SMG6: variants seen among roughly 807,000 people sequenced by gnomAD.
SMG6 encodes the protein telomerase-binding protein EST1A.
A neutral mutation model predicts 142.2 loss-of-function variants in SMG6; 66 were observed. The observed-to-expected ratio is 0.46, with a 90% CI of 0.38 to 0.57. The LOEUF is 0.57. SMG6 is among the 20% of genes least tolerant of loss of function. The pLI, the probability that SMG6 is intolerant of heterozygous loss-of-function variation, is 0.00. For missense variants in SMG6, 1,793 were observed against 1,832.0 expected (o/e 0.98, Z 0.39); for synonymous variants, 779 against 702.4 (o/e 1.11, Z -1.72).
intron 8 of SMG6, among the ~76,000 whole-genome samples, chr17:2,256,337 G>T (rs1024920491): frequency 5.3e-5 from 8 of 152,102 alleles, no homozygotes; most frequent in African/African-American, 1.9e-4. Context: ...AACACAGAGG[G>T]AGGGAAGATG....
intron 8 of SMG6, among the ~76,000 whole-genome samples, chr17:2,273,435 T>G (rs945027158): frequency 6.6e-6 from 1 of 151,606 alleles, no homozygotes; most frequent in Non-Finnish European, 1.5e-5. Flanking sequence ...CCGAGGCGGG[T>G]GGATCACGAG....
intron 9 of SMG6, 114 bp downstream of exon 9, chr17:2,244,544 C>G: frequency 2.6e-6 from 2 of 767,080 alleles, no homozygotes; most frequent in Non-Finnish European, 4.5e-6. Flanking sequence ...GTGGAGGCCT[C>G]TAAGAATTCA....
intron 10 of SMG6, among the ~76,000 whole-genome samples, chr17:2,189,802 A>G (rs968762849): frequency 6.6e-6 from 1 of 152,148 alleles, no homozygotes; most frequent in African/African-American, 2.4e-5. Flanking sequence ...TGGGTGTAAG[A>G]AGGAGCAGGC....
intron 13 of SMG6, among the ~76,000 whole-genome samples, chr17:2,171,983 G>A (rs968784716): frequency 1.3e-5 from 2 of 152,082 alleles, no homozygotes; most frequent in Non-Finnish European, 1.5e-5. Context: ...ATGTGAAGCC[G>A]ACTGGACTAC....
intron 10 of SMG6, among the ~76,000 whole-genome samples, chr17:2,232,470 C>A (rs1018435452): frequency 6.6e-6 from 1 of 152,148 alleles, no homozygotes; most frequent in Non-Finnish European, 1.5e-5. Flanking sequence ...AGAAACACTG[C>A]TCGGTGAGAG....
chr17:2,303,606 G>A, intron 1 of SMG6, 27 bp downstream of exon 1: 9 of 1,423,930 alleles, frequency 6.3e-6, no homozygotes, highest in East Asian at 3.1e-5. Context: ...GGCAGGCCCG[G>A]CCCAGGAGCT....
intron 8 of SMG6, among the ~76,000 whole-genome samples, chr17:2,246,251 T>C (rs2073924581): frequency 1.3e-5 from 2 of 152,212 alleles, no homozygotes; most frequent in African/African-American, 4.8e-5. Context: ...TCATCTTCCC[T>C]GGTCTCCTAG....
At chr17:2,279,616 G>A (rs2074738461) in intron 8 of SMG6, among the ~76,000 whole-genome samples, 1 of 152,194 alleles carries the variant, frequency 6.6e-6, no homozygotes, top group Non-Finnish European at 1.5e-5. Context: ...TACGATGGCA[G>A]CAATGAGAAA....
At chr17:2,209,114 A>C (rs764584363) in intron 10 of SMG6, among the ~76,000 whole-genome samples, 2 of 151,318 alleles carry the variant, frequency 1.3e-5, no homozygotes, top group Non-Finnish European at 2.9e-5. Context: ...CAGTGAGCCG[A>C]GATCACACCA....
In SMG6 at chr17:2,300,128, C is replaced by T. The variant is rs1212110002; in HGVS notation, c.625G>A (p.Val209Ile). The T allele has an allele frequency of 2.5e-6, 4 of 1,614,020 alleles. No individual in the cohort carries two copies. Among genetic ancestry groups the T allele is most frequent in the African/African-American group, 1.3e-5 (1 of 74,928 alleles). The change falls in exon 2 of 19, where the codon GTA becomes ATA. Residue 209 changes from valine to isoleucine, a missense_variant. Physicochemically the swap from Val to Ile is conservative, Grantham distance 29. Coordinates refer to ENST00000263073, the MANE Select transcript of SMG6 (RefSeq NM_017575.5). The part of the protein sequence containing the change: ...EIEKSPGGGR[V>I]GAAKGEKGKR... ...CCTTTTTCTCCTTTTGCAGCCCCTA[C>T]TCTCCCACCACCTGGGCTCTTTTCT...
chr17:2,183,882 AG>A (rs2071885227), intron 12 of SMG6, among the ~76,000 whole-genome samples: 1 of 152,066 alleles, frequency 6.6e-6, no homozygotes, highest in South Asian at 2.1e-4. Context: ...GGTAGGTAAA[AG>A]GCAAGGCAGG....
chr17:2,296,240 A>G (rs552613216), intron 4 of SMG6, among the ~76,000 whole-genome samples: 18 of 152,104 alleles, frequency 1.2e-4, no homozygotes, highest in Non-Finnish European at 2.5e-4. Flanking sequence ...CCCCCTCCAC[A>G]CTACAAACAC....
chr17:2,154,844 G>C (rs865948962), intron 13 of SMG6, among the ~76,000 whole-genome samples: 7 of 152,058 alleles, frequency 4.6e-5, no homozygotes, highest in African/African-American at 1.7e-4. Flanking sequence ...AGACCAGCCT[G>C]GGCAACATGG....
chr17:2,207,197 A>G (rs576976117), intron 10 of SMG6, among the ~76,000 whole-genome samples: 3 of 151,996 alleles, frequency 2.0e-5, no homozygotes, highest in Admixed American at 6.5e-5. Flanking sequence ...CTGAGGCATG[A>G]GAATCACTTG....
At chr17:2,150,945 T>A (rs2070808427) in intron 13 of SMG6, among the ~76,000 whole-genome samples, 1 of 151,386 alleles carries the variant, frequency 6.6e-6, no homozygotes, top group African/African-American at 2.4e-5. Context: ...TACCTGTACA[T>A]CTGTTTCCTA....
At chr17:2,148,106 G>A (rs548091408) in intron 13 of SMG6, among the ~76,000 whole-genome samples, 6 of 152,220 alleles carry the variant, frequency 3.9e-5, no homozygotes, top group African/African-American at 1.2e-4. Flanking sequence ...TGGGACGATC[G>A]TTTGAGCCCA....
At chr17:2,303,089 T>A in intron 1 of SMG6, 2 of 985,420 alleles carry the variant, frequency 2.0e-6, no homozygotes, top group Non-Finnish European at 2.4e-6. Context: ...CTCCCACACA[T>A]GCCAGGGCCA....
chr17:2,180,714 G>A (rs1994884), intron 12 of SMG6, among the ~76,000 whole-genome samples: 54,137 of 151,920 alleles, frequency 0.36, 10,356 homozygotes, highest in African/African-American at 0.5. Context: ...TAAGGAAAGA[G>A]GGTAACAAAT....
intron 13 of SMG6, among the ~76,000 whole-genome samples, chr17:2,102,528 ATTTTTTTTTTTT>A (rs374584197): frequency 1.2e-4 from 10 of 81,614 alleles, no homozygotes; most frequent in African/African-American, 3.0e-4. Context: ...TGCTAATTTC[ATTTTTTTTTTTT>A]TTTTTTTTTT....
Sources: allele counts gnomAD v4.1 joint callset (sites outside exome capture counted in the v4.1 genomes callset), GRCh38; gene constraint gnomAD v4.1.1; transcripts MANE v1.5; gene names NCBI Gene and HGNC (gene_info 2026-07-23, HGNC 2026-07-21).